The following RFK variants were observed in gnomAD, a reference collection of about 807,000 sequenced individuals.
The protein encoded by RFK is riboflavin kinase.
Under a neutral mutation model 17.6 loss-of-function variants are expected in RFK, and 4 were observed. The ratio of observed to expected loss-of-function variants is 0.23; its 90% CI spans 0.11 to 0.52. The LOEUF (loss-of-function observed/expected upper bound fraction) is 0.52. RFK is among the 20% of genes least tolerant of loss of function. The pLI, the probability that RFK is intolerant of heterozygous loss-of-function variation, is 0.96. For missense variants in RFK, 189 were observed against 187.7 expected, an observed-to-expected ratio of 1.01 and a Z score of -0.04; for synonymous variants, 59 against 63.8, an observed-to-expected ratio of 0.92 and a Z score of 0.36.
chr9:76,388,710 C>T (rs1822776583), intron 2 of RFK, 54 bp from the exon 3 acceptor site: 15 of 957,510 alleles, frequency 1.6e-5, no homozygotes, highest in Admixed American at 1.0e-4. Flanking sequence ...GTACTGAAAT[C>T]TGAAATACAT....
chr9:76,394,027 C>T, intron 1 of RFK, 63 bp downstream of exon 1: 3 of 1,488,420 alleles, frequency 2.0e-6, no homozygotes, highest in Non-Finnish European at 2.7e-6. Context: ...AAGTCCCCGG[C>T]TGCCGTCTCT....
chr9:76,388,521 G>C (rs1564209308), intron 3 of RFK, 33 bp downstream of exon 3: 1 of 1,268,610 alleles, frequency 7.9e-7, no homozygotes, highest in Non-Finnish European at 1.2e-6. Flanking sequence ...GGTAGCAGTA[G>C]TAGTATTTAA....
chr9:76,387,750 A>T (rs1822758603), intron 3 of RFK: 2 of 395,972 alleles, frequency 5.1e-6, no homozygotes, highest in Non-Finnish European at 9.1e-6. Context: ...CTGTAATCCC[A>T]GCACTTTGGG....
intron 1 of RFK, among the ~76,000 whole-genome samples, chr9:76,392,847 G>C (rs1822835206): frequency 6.6e-6 from 1 of 152,200 alleles, no homozygotes; most frequent in South Asian, 2.1e-4. Context: ...GCTGCAGTAA[G>C]CTATGATCGC....
chr9:76,387,621 G>T, intron 3 of RFK, 92 bp from the exon 4 acceptor site: 1 of 1,255,182 alleles, frequency 8.0e-7, no homozygotes, highest in Non-Finnish European at 1.1e-6. Context: ...AAACTCACAG[G>T]CTGGCAGTAT....
chr9:76,387,251 A>T lies in RFK; in HGVS notation c.*148T>A, dbSNP rs1822747246. On this transcript the variant is annotated 3_prime_UTR_variant, in exon 4 of 4. Transcript: ENST00000376736. ...ATGGGCTTAATTTAATAGTTGAAGC[A>T]TGATATGATAACAACATTGTACGGT... 2 of 683,540 alleles carry T rather than the reference A, an allele frequency of 2.9e-6. No homozygotes were observed. The highest frequency in any genetic ancestry group is 2.5e-5 in the Admixed American group (1 of 39,388). 42.3% of individuals were successfully genotyped at this position (683,540 alleles called of 1,614,324 possible). A position where few individuals can be genotyped will look rare whatever the true frequency, so the allele number is the denominator to read the frequency against.
At position 76,387,279 on chromosome 9, in the gene RFK, A is replaced by T; in HGVS notation, c.*120T>A. 1.1e-6 allele frequency: 1 copy of T among 907,028 alleles called. No homozygotes were observed. Among genetic ancestry groups the T allele is most frequent in the Non-Finnish European group, 1.7e-6 (1 of 590,604 alleles). The allele number at this position is 907,028 out of a possible 1,614,324, so 56.2% of individuals were successfully genotyped here. A position where few individuals can be genotyped will look rare whatever the true frequency, so the allele number is the denominator to read the frequency against. On this transcript the variant is annotated 3_prime_UTR_variant, in exon 4 of 4. Coordinates refer to ENST00000376736, the MANE Select transcript of RFK (RefSeq NM_018339.6). The stretch of plus-strand genomic sequence containing the variant: ...ATATGATAACAACATTGTACGGTTT[A>T]AACTAATTCACAACTGTAGTAAAGT...
At chr9:76,393,389 C>T (rs35432738) in intron 1 of RFK, among the ~76,000 whole-genome samples, 4,713 of 151,808 alleles carry the variant, frequency 0.031, 97 homozygotes, top group Non-Finnish European at 0.048. Flanking sequence ...GTATTTTTAG[C>T]AGAGACGGGG....
rs778508792 is a variant in RFK at position 76,394,011 on chromosome 9, G to A, written c.82+79C>T. On this transcript the variant is annotated intron_variant, in intron 1 of 3. Transcript: ENST00000376736. The stretch of plus-strand genomic sequence containing the variant: ...CCGCGGTCCGGAGGCCCCACGCCCC[G>A]GTCCCAAGTCCCCGGCTGCCGTCTC... 3.4e-4 allele frequency: 468 copies of A among 1,394,032 alleles called. 1 individual carries two copies. Among genetic ancestry groups the A allele is most frequent in the Middle Eastern group, 7.2e-4 (3 of 4,164 alleles). 86.4% of individuals were successfully genotyped at this position (1,394,032 alleles called of 1,614,324 possible). A position where few individuals can be genotyped will look rare whatever the true frequency, so the allele number is the denominator to read the frequency against.
chr9:76,393,151 AT>A (rs1365953787), intron 1 of RFK, among the ~76,000 whole-genome samples: 1 of 151,858 alleles, frequency 6.6e-6, no homozygotes, highest in South Asian at 2.1e-4. Context: ...GAGTAGATGG[AT>A]TTTTTCAGAT....
Position 76,385,678 on chromosome 9 carries a change from C to G in RFK, c.*1721G>C, listed in dbSNP as rs1822720299. On this transcript the variant is annotated 3_prime_UTR_variant, in exon 4 of 4. Coordinates refer to ENST00000376736, the MANE Select transcript of RFK (RefSeq NM_018339.6). ...CAACACACTATCTGATTCTCAAAAG[C>G]AATGGCTATTTAACAAGATGTAAAA... The G allele has an allele frequency of 6.6e-6, 1 of 152,168 alleles. No homozygotes were observed. Among genetic ancestry groups the G allele is most frequent in the African/African-American group, 2.4e-5 (1 of 41,430 alleles). The allele number at this position is 152,168 out of a possible 1,614,324, so 9.4% of individuals were successfully genotyped here. A position where few individuals can be genotyped will look rare whatever the true frequency, so the allele number is the denominator to read the frequency against.
rs149077765 is a variant in RFK at position 76,392,524 on chromosome 9, G to A, written c.128C>T (p.Ser43Phe). 106 of 1,614,048 alleles carry A rather than the reference G, an allele frequency of 6.6e-5. No individual in the cohort carries two copies. The highest frequency in any genetic ancestry group is 5.8e-4 in the Admixed American group (35 of 60,008). ...QVVDNLPADI[S>F]TGIYYGWASV... ...GGCCCAACCATAGTAAATACCAGTGGATATATCAGCTGGAAGATTATCTAC... is the reference window on the plus strand; with the variant it reads ...GGCCCAACCATAGTAAATACCAGTGAATATATCAGCTGGAAGATTATCTAC... The change falls in exon 2 of 4, where the codon TCC (serine) becomes TTC (phenylalanine). Residue 43 changes from serine to phenylalanine, a missense_variant. Physicochemically the swap from Ser to Phe is radical, Grantham distance 155 (BLOSUM62 -2). Coordinates refer to ENST00000376736, the MANE Select transcript of RFK (RefSeq NM_018339.6).
At chr9:76,387,996 T>TCAAACAAA (rs757656297) in intron 3 of RFK, 1 of 279,850 alleles carries the variant, frequency 3.6e-6, no homozygotes, top group Non-Finnish European at 7.0e-6. Flanking sequence ...AAACTCTGTC[T>TCAAACAAA]CAAACAAACA....
intron 2 of RFK, among the ~76,000 whole-genome samples, chr9:76,390,706 T>TGAG (rs1822807227): frequency 1.2e-5 from 1 of 83,612 alleles, no homozygotes; most frequent in African/African-American, 4.0e-5. Context: ...AACACACCAT[T>TGAG]GAGAAAAAAA....
At chr9:76,392,045 A>G (rs116615581) in intron 2 of RFK, among the ~76,000 whole-genome samples, 3,779 of 152,286 alleles carry the variant, frequency 0.025, 145 homozygotes, top group African/African-American at 0.085. Flanking sequence ...TATAAACCCC[A>G]TGGTAACCAC....
chr9:76,390,839 C>T (rs1007790664), intron 2 of RFK, among the ~76,000 whole-genome samples: 1 of 146,642 alleles, frequency 6.8e-6, no homozygotes, highest in Non-Finnish European at 1.5e-5. Context: ...TAAGATAACG[C>T]TTTTTTTTTT....
At chr9:76,388,700 G>A in intron 2 of RFK, 44 bp from the exon 3 acceptor site, 4 of 1,127,410 alleles carry the variant, frequency 3.5e-6, no homozygotes, top group Non-Finnish European at 5.3e-6. Context: ...AGACTACAGT[G>A]TACTGAAATC....
intron 2 of RFK, among the ~76,000 whole-genome samples, chr9:76,390,049 T>C (rs535203052): frequency 2.0e-5 from 3 of 152,334 alleles, no homozygotes; most frequent in South Asian, 2.1e-4. Context: ...AAACCAAGTA[T>C]GTATGTGAAT....
At chr9:76,393,818 C>G (rs781230512) in intron 1 of RFK, 2 of 493,120 alleles carry the variant, frequency 4.1e-6, no homozygotes, top group Non-Finnish European at 7.2e-6. Context: ...GCCAAGGAGG[C>G]GTGAACGGGG....
Sources: allele counts gnomAD v4.1 joint callset (sites outside exome capture counted in the v4.1 genomes callset), GRCh38; gene constraint gnomAD v4.1.1; transcripts MANE v1.5; gene names NCBI Gene and HGNC (gene_info 2026-07-23, HGNC 2026-07-21).